PTPRG: variants seen among roughly 807,000 people sequenced by gnomAD.
The protein encoded by PTPRG is receptor-type tyrosine-protein phosphatase gamma.
PTPRG carries 102 observed loss-of-function variants against 165.3 expected under a neutral mutation model. The ratio of observed to expected loss-of-function variants is 0.62; its 90% CI spans 0.53 to 0.73. The LOEUF is 0.73. PTPRG is among the 30% of genes least tolerant of loss of function. The probability of loss-of-function intolerance (pLI) is 0.00; values close to 1 mark genes in which losing one functional copy is unlikely to be tolerated. For synonymous variants in PTPRG, 675 were observed against 669.5 expected (o/e 1.01, Z -0.13); for missense variants, 1,866 against 1,861.4 (o/e 1.00, Z -0.05).
intron 5 of PTPRG, among the ~76,000 whole-genome samples, chr3:62,127,704 T>C (rs1005342691): frequency 7.9e-5 from 12 of 152,180 alleles, no homozygotes; most frequent in African/African-American, 2.9e-4. Flanking sequence ...TGGCCAGGAC[T>C]TGATAGAGCA....
At chr3:62,149,051 C>T (rs1704228080) in intron 6 of PTPRG, among the ~76,000 whole-genome samples, 1 of 152,166 alleles carries the variant, frequency 6.6e-6, no homozygotes, top group Admixed American at 6.5e-5. Flanking sequence ...CAGTCTTGTG[C>T]CTGTTCCTTA....
intron 1 of PTPRG, among the ~76,000 whole-genome samples, chr3:61,717,873 A>G (rs1015490617): frequency 1.3e-5 from 2 of 152,100 alleles, no homozygotes; most frequent in Admixed American, 6.5e-5. Context: ...TCACCCAGAC[A>G]TATAGCTTTG....
intron 17 of PTPRG, among the ~76,000 whole-genome samples, chr3:62,265,703 T>C (rs891368496): frequency 1.3e-5 from 2 of 152,066 alleles, no homozygotes; most frequent in African/African-American, 4.8e-5. Flanking sequence ...TGGATTGACT[T>C]TGGCAGTATT....
At chr3:62,127,139 C>G (rs1272978631) in intron 5 of PTPRG, among the ~76,000 whole-genome samples, 1 of 152,176 alleles carries the variant, frequency 6.6e-6, no homozygotes, top group Non-Finnish European at 1.5e-5. Context: ...AAATTATTGC[C>G]AAGTGTTTAA....
At chr3:61,838,024 T>C (rs904120279) in intron 2 of PTPRG, among the ~76,000 whole-genome samples, 2 of 152,210 alleles carry the variant, frequency 1.3e-5, no homozygotes, top group African/African-American at 2.4e-5. Flanking sequence ...TTAAAAACCC[T>C]GTCTCCAAAT....
intron 2 of PTPRG, among the ~76,000 whole-genome samples, chr3:61,876,864 T>C (rs1010650646): frequency 6.6e-6 from 1 of 152,240 alleles, no homozygotes; most frequent in African/African-American, 2.4e-5. Context: ...ATATCATTTA[T>C]CTGCCTAAAA....
intron 6 of PTPRG, among the ~76,000 whole-genome samples, chr3:62,140,763 C>T (rs1703895197): frequency 6.7e-6 from 1 of 149,236 alleles, no homozygotes; most frequent in Non-Finnish European, 1.5e-5. Context: ...AGGAGAATCA[C>T]TTGAACCCGG....
chr3:62,251,142 G>C (rs1224949542), intron 15 of PTPRG, among the ~76,000 whole-genome samples: 1 of 152,184 alleles, frequency 6.6e-6, no homozygotes. Context: ...AATAATCTCA[G>C]TGCTTTGGGA....
intron 5 of PTPRG, among the ~76,000 whole-genome samples, chr3:62,117,189 G>T (rs548205619): frequency 6.6e-6 from 1 of 152,276 alleles, no homozygotes; most frequent in African/African-American, 2.4e-5. Context: ...TTATGTTTAA[G>T]GAGGCAATGA....
In PTPRG at chr3:62,154,360, G is replaced by A. The variant is rs141197116; in HGVS notation, c.683-2707G>A. Among the ~76,000 whole-genome samples the A allele has an allele frequency of 1.8e-4, 28 of 152,216 alleles. No homozygotes were observed. In the East Asian group the frequency reaches 3.5e-3, roughly 19 times the overall value. On this transcript the variant is annotated intron_variant, in intron 6 of 29. Transcript: ENST00000474889. ...TACTGGGTCTACCCACCTCGCCACC[G>A]ATCTGACTGCACGTGCTGATCAGCA... is the stretch of plus-strand genomic sequence containing the variant.
At chr3:61,999,401 G>A (rs148744020) in intron 3 of PTPRG, among the ~76,000 whole-genome samples, 81 of 152,212 alleles carry the variant, frequency 5.3e-4, no homozygotes, top group Middle Eastern at 3.4e-3. Flanking sequence ...CCACCCTCAT[G>A]GCCTAATCAC....
chr3:61,745,051 C>CTTTTTTTTTT lies in PTPRG; in HGVS notation c.86-3818_86-3809dup, dbSNP rs10669472. On this transcript the variant is annotated intron_variant, in intron 1 of 29. Transcript: ENST00000474889. ...TTTCATGTGTTCATTCATTCCCTCACTTTTTTTTTTTTTTTTTTGAGACGG... is the reference window on the plus strand; with the variant it reads ...TTTCATGTGTTCATTCATTCCCTCACTTTTTTTTTTTTTTTTTTTTTTTTTTTTGAGACGG... Among the ~76,000 whole-genome samples the CTTTTTTTTTT allele has an allele frequency of 4.3e-3, 485 of 111,566 alleles. 16 individuals are homozygous for CTTTTTTTTTT. The highest frequency in any genetic ancestry group is 7.0e-3 in the East Asian group (28 of 3,988). The allele number at this position is 111,566 out of a possible 152,430, so 73.2% of individuals were successfully genotyped here. A position where few individuals can be genotyped will look rare whatever the true frequency, so the allele number is the denominator to read the frequency against.
chr3:61,665,603 T>A (rs1313544894), intron 1 of PTPRG, among the ~76,000 whole-genome samples: 1 of 78,480 alleles, frequency 1.3e-5, no homozygotes, highest in East Asian at 3.4e-4. Flanking sequence ...GGCGGGAAGA[T>A]CATTAGATTG....
chr3:62,015,365 T>G (rs1012375315), intron 4 of PTPRG, among the ~76,000 whole-genome samples: 2 of 152,144 alleles, frequency 1.3e-5, no homozygotes, highest in African/African-American at 4.8e-5. Flanking sequence ...ATAGGCAGTG[T>G]GATGGTGTGA....
At chr3:62,134,172 A>T (rs1170132754) in intron 6 of PTPRG, among the ~76,000 whole-genome samples, 3 of 152,142 alleles carry the variant, frequency 2.0e-5, no homozygotes, top group African/African-American at 7.2e-5. Flanking sequence ...AGGCTGCTAC[A>T]TATGGAAAAA....
At chr3:61,620,746 A>G (rs1701426435) in intron 1 of PTPRG, among the ~76,000 whole-genome samples, 1 of 151,796 alleles carries the variant, frequency 6.6e-6, no homozygotes, top group African/African-American at 2.4e-5. Flanking sequence ...CTCCTGCCTC[A>G]GCCTCCCGAG....
chr3:62,079,973 ATACATATTATCT>A (rs1434111959), intron 5 of PTPRG, among the ~76,000 whole-genome samples: 1 of 151,370 alleles, frequency 6.6e-6, no homozygotes, highest in Non-Finnish European at 1.5e-5. Context: ...ACCCCATGGT[ATACATATTATCT>A]TTTTATGAAC....
intron 2 of PTPRG, chr3:61,769,713 A>G (rs529971131): frequency 6.6e-6 from 1 of 152,340 alleles, no homozygotes; most frequent in Non-Finnish European, 1.5e-5. Flanking sequence ...ACATTTGGAA[A>G]TTAAATTTTA....
At chr3:61,940,834 T>TTTTGTA (rs2039605905) in intron 2 of PTPRG, among the ~76,000 whole-genome samples, 1 of 152,124 alleles carries the variant, frequency 6.6e-6, no homozygotes, top group East Asian at 1.9e-4. Flanking sequence ...CGGCTAATTT[T>TTTTGTA]TTTGTATTTT....
Sources: gnomAD v4.1 joint callset for allele counts (sites outside exome capture counted in the v4.1 genomes callset) on GRCh38, gnomAD v4.1.1 for gene constraint, MANE v1.5 for transcripts, NCBI Gene and HGNC (gene_info 2026-07-23, HGNC 2026-07-21) for gene names.